LYRM4: variants seen among roughly 807,000 people sequenced by gnomAD.
LYRM4 encodes the protein LYR motif containing 4.
A neutral mutation model predicts 11.7 loss-of-function variants in LYRM4; 9 were observed. That is an observed-to-expected ratio of 0.77 (90% CI 0.46 to 1.34). LYRM4 has a LOEUF of 1.34. Ranked by LOEUF, LYRM4 falls within the 40% of genes most tolerant of loss-of-function variation. LYRM4 has a pLI of 0.00. For missense variants in LYRM4, 133 were observed against 112.5 expected, an observed-to-expected ratio of 1.18 and a Z score of -0.82; for synonymous variants, 42 against 40.4, an observed-to-expected ratio of 1.04 and a Z score of -0.15.
At chr6:5,045,465 A>T in the LYRM4 span, among the ~76,000 whole-genome samples, 1 of 152,202 alleles carries the variant, frequency 6.6e-6, no homozygotes, top group Non-Finnish European at 1.5e-5. Flanking sequence ...TCGGGGAGAG[A>T]GGAAAGGGCA....
chr6:5,088,877 A>G, the LYRM4 span: 1 of 152,242 alleles, frequency 6.6e-6, no homozygotes, highest in Non-Finnish European at 1.5e-5. Context: ...CTAAAAAAAT[A>G]GTAACACATC....
chr6:5,169,132 C>T (rs1045666552), intron 2 of LYRM4, among the ~76,000 whole-genome samples: 11 of 152,098 alleles, frequency 7.2e-5, no homozygotes, highest in Admixed American at 2.0e-4. Flanking sequence ...TCTCACTATG[C>T]TACCCAGGTT....
At chr6:5,232,013 A>G (rs915732428) in intron 1 of LYRM4, among the ~76,000 whole-genome samples, 3 of 152,214 alleles carry the variant, frequency 2.0e-5, no homozygotes, top group African/African-American at 7.2e-5. Flanking sequence ...GCATTTACAA[A>G]TGCTTACTGG....
intron 2 of LYRM4, among the ~76,000 whole-genome samples, chr6:5,179,279 C>T (rs9504357): frequency 0.82 from 125,190 of 152,176 alleles, 52,049 homozygotes; most frequent in African/African-American, 0.95. Context: ...ATTTAAACTG[C>T]AATTATGTGT....
At chr6:5,051,118 A>G in the LYRM4 span, among the ~76,000 whole-genome samples, 1 of 152,182 alleles carries the variant, frequency 6.6e-6, no homozygotes, top group Admixed American at 6.5e-5. Context: ...TGAATTCTTG[A>G]CTCTGAGGAC....
At chr6:5,247,041 C>T (rs1023451928) in intron 1 of LYRM4, among the ~76,000 whole-genome samples, 15 of 152,230 alleles carry the variant, frequency 9.9e-5, no homozygotes, top group African/African-American at 2.9e-4. Flanking sequence ...GTGTCTAATC[C>T]GGGTGCTGAG....
the LYRM4 span, chr6:5,086,728 G>A: frequency 1.6e-6 from 1 of 624,042 alleles, no homozygotes; most frequent in South Asian, 2.0e-5. Flanking sequence ...TCGCACCCCC[G>A]CAGACAAGTG....
the LYRM4 span, among the ~76,000 whole-genome samples, chr6:5,046,565 A>C: frequency 6.6e-6 from 1 of 152,166 alleles, no homozygotes; most frequent in East Asian, 1.9e-4. Flanking sequence ...CTGGTGCTTC[A>C]GCTGGGACAG....
At chr6:5,163,484 C>T (rs145096673) in intron 2 of LYRM4, among the ~76,000 whole-genome samples, 1 of 151,448 alleles carries the variant, frequency 6.6e-6, no homozygotes, top group Non-Finnish European at 1.5e-5. Context: ...CATCTGGTGG[C>T]AGAAGCATTC....
At chr6:5,113,467 A>T (rs1166145989) in intron 2 of LYRM4, 1 of 322,778 alleles carries the variant, frequency 3.1e-6, no homozygotes, top group Non-Finnish European at 6.3e-6. Flanking sequence ...TGGAAGGAGG[A>T]GTGGCAGAAG....
chr6:5,152,096 T>A (rs900051230), intron 2 of LYRM4, among the ~76,000 whole-genome samples: 5 of 152,210 alleles, frequency 3.3e-5, no homozygotes, highest in Non-Finnish European at 7.3e-5. Flanking sequence ...TGTCAATATG[T>A]ATCACTGGAA....
the LYRM4 span, among the ~76,000 whole-genome samples, chr6:5,063,355 T>C: frequency 1.3e-3 from 204 of 151,876 alleles, no homozygotes; most frequent in African/African-American, 4.4e-3. Context: ...TCTGGGGAGA[T>C]TGGAGTCCCT....
At chr6:5,164,203 T>C (rs1215348923) in intron 2 of LYRM4, among the ~76,000 whole-genome samples, 4 of 152,210 alleles carry the variant, frequency 2.6e-5, no homozygotes, top group African/African-American at 9.7e-5. Context: ...TGGACACATA[T>C]GCAAAATCTA....
the LYRM4 span, among the ~76,000 whole-genome samples, chr6:5,038,938 T>G: frequency 6.9e-5 from 9 of 131,366 alleles, 3 homozygotes; most frequent in South Asian, 2.6e-4. Flanking sequence ...GGGAGAGCTT[T>G]AGCTTGTATT....
intron 2 of LYRM4, among the ~76,000 whole-genome samples, chr6:5,161,402 A>T (rs1356881089): frequency 6.6e-6 from 1 of 152,236 alleles, no homozygotes; most frequent in East Asian, 1.9e-4. Context: ...AAATTGTTCT[A>T]TATAACCTGT....
chr6:5,165,742 C>G (rs986153524), intron 2 of LYRM4, among the ~76,000 whole-genome samples: 3 of 152,082 alleles, frequency 2.0e-5, no homozygotes, highest in Non-Finnish European at 4.4e-5. Flanking sequence ...GGGGTTTCAC[C>G]GTGGTGGCTA....
At chr6:5,193,100 A>G (rs1436825117) in intron 2 of LYRM4, among the ~76,000 whole-genome samples, 2 of 152,192 alleles carry the variant, frequency 1.3e-5, no homozygotes, top group African/African-American at 4.8e-5. Flanking sequence ...GGTAATAGGC[A>G]CACAGCCCTA....
At chr6:5,181,133 T>G (rs540955733) in intron 2 of LYRM4, among the ~76,000 whole-genome samples, 1 of 152,288 alleles carries the variant, frequency 6.6e-6, no homozygotes, top group African/African-American at 2.4e-5. Context: ...AATATTTGAT[T>G]ACACAATTAC....
At chr6:5,111,016 C>T (rs776066169) in intron 2 of LYRM4, among the ~76,000 whole-genome samples, 5 of 152,170 alleles carry the variant, frequency 3.3e-5, no homozygotes, top group Non-Finnish European at 5.9e-5. Context: ...GACTTTCTGG[C>T]CTTCCCTTCT....
Sources: gnomAD v4.1 joint callset for allele counts (sites outside exome capture counted in the v4.1 genomes callset) on GRCh38, gnomAD v4.1.1 for gene constraint, MANE v1.5 for transcripts, NCBI Gene and HGNC (gene_info 2026-07-23, HGNC 2026-07-21) for gene names.